The following SLC20A2 variants were observed in gnomAD, a reference collection of about 807,000 sequenced individuals.
The protein encoded by SLC20A2 is solute carrier family 20 member 2.
In SLC20A2, 30 loss-of-function variants were observed where a neutral mutation model predicts 61.0. The observed-to-expected ratio is 0.49, with a 90% CI of 0.37 to 0.67. The LOEUF is 0.67. Among genes scored for constraint, SLC20A2 ranks in the 30% least tolerant of loss-of-function variants. The probability of loss-of-function intolerance (pLI) is 0.00; values close to 1 mark genes in which losing one functional copy is unlikely to be tolerated. For missense variants in SLC20A2, 626 were observed against 866.4 expected (o/e 0.72, Z 3.48); for synonymous variants, 351 against 353.3 (o/e 0.99, Z 0.07).
intron 5 of SLC20A2, among the ~76,000 whole-genome samples, chr8:42,446,163 C>T (rs988666570): frequency 1.3e-5 from 2 of 152,164 alleles, no homozygotes; most frequent in African/African-American, 4.8e-5. Context: ...AATTCTAACT[C>T]TTCTTTGAAG....
chr8:42,463,550 A>C (rs944704995), intron 3 of SLC20A2, among the ~76,000 whole-genome samples: 6 of 152,128 alleles, frequency 3.9e-5, no homozygotes, highest in Admixed American at 2.6e-4. Context: ...GGAACTCTGA[A>C]ACTTTTAGCC....
chr8:42,446,841 G>T, intron 5 of SLC20A2, among the ~76,000 whole-genome samples: 1 of 151,308 alleles, frequency 6.6e-6, no homozygotes, highest in East Asian at 1.9e-4. Flanking sequence ...GGATCTGGGA[G>T]AATTTACTAA....
chr8:42,460,390 C>G (rs941333581), intron 4 of SLC20A2, among the ~76,000 whole-genome samples: 1 of 152,244 alleles, frequency 6.6e-6, no homozygotes, highest in Non-Finnish European at 1.5e-5. Context: ...TTGGCCCTAA[C>G]TGGCTACATT....
chr8:42,433,875 A>C (rs1029882078), intron 8 of SLC20A2, among the ~76,000 whole-genome samples: 3 of 152,158 alleles, frequency 2.0e-5, no homozygotes, highest in Non-Finnish European at 4.4e-5. Flanking sequence ...GTATACCCGG[A>C]AGCAGGAATG....
At chr8:42,445,801 A>C (rs559991764) in intron 5 of SLC20A2, among the ~76,000 whole-genome samples, 23 of 152,292 alleles carry the variant, frequency 1.5e-4, no homozygotes, top group African/African-American at 5.1e-4. Flanking sequence ...ACCTCAGCCC[A>C]GCCCACCTGC....
chr8:42,447,403 T>G (rs141372662), intron 5 of SLC20A2, among the ~76,000 whole-genome samples: 3 of 147,950 alleles, frequency 2.0e-5, no homozygotes, highest in Non-Finnish European at 3.0e-5. Context: ...TTGGGCTGGG[T>G]GCGGTGGCTC....
chr8:42,437,519 G>C lies in SLC20A2; in HGVS notation c.993C>G (p.Phe331Leu). 6.2e-7 allele frequency: 1 copy of C among 1,614,086 alleles called. No homozygotes were observed. The highest frequency in any genetic ancestry group is 8.5e-7 in the Non-Finnish European group (1 of 1,180,014). The change falls in exon 8 of 11, where the codon TTC becomes TTG. Residue 331 changes from phenylalanine (F) to leucine (L), a missense_variant. Phe to Leu is a conservative substitution (Grantham distance 22). This residue lies in a region of SLC20A2 where 361 missense variants were observed against 422.3 expected (regional missense o/e 0.85). Coordinates refer to ENST00000520262, the MANE Select transcript of SLC20A2 (RefSeq NM_001257180.2). The surrounding 1 kb of genome is among the most constrained non-coding windows in gnomAD (Gnocchi z 6.4). ...CGCTCCTGGTGTGGCCGTCGAAGCC[G>C]AAGGTGCCGTTGGAGATGGGCGATT... is the stretch of plus-strand genomic sequence containing the variant. ...SVKSPISNGTFGFDGHTRSDG... is the reference protein window; with the variant it reads ...SVKSPISNGTLGFDGHTRSDG...
At chr8:42,526,071 C>T (rs920421004) in intron 1 of SLC20A2, among the ~76,000 whole-genome samples, 1 of 152,154 alleles carries the variant, frequency 6.6e-6, no homozygotes, top group Non-Finnish European at 1.5e-5. Context: ...GCTGCCTTCC[C>T]AAGAGGGAAG....
chr8:42,535,940 T>C (rs1812668078), intron 1 of SLC20A2, among the ~76,000 whole-genome samples: 1 of 151,974 alleles, frequency 6.6e-6, no homozygotes, highest in Admixed American at 6.5e-5. Flanking sequence ...CTAAAATTCA[T>C]AACATGGGAC....
intron 4 of SLC20A2, among the ~76,000 whole-genome samples, chr8:42,462,611 C>T (rs779242715): frequency 6.0e-5 from 9 of 151,084 alleles, no homozygotes; most frequent in Non-Finnish European, 1.2e-4. Context: ...AAAAAGGGAA[C>T]ACACCTTCAC....
intron 5 of SLC20A2, among the ~76,000 whole-genome samples, chr8:42,456,143 GA>G (rs1168536871): frequency 1.3e-5 from 2 of 150,972 alleles, no homozygotes; most frequent in African/African-American, 2.4e-5. Flanking sequence ...AGAAGAGATG[GA>G]AAAAAAAGGC....
At chr8:42,477,841 GAA>G (rs910585502) in intron 1 of SLC20A2, among the ~76,000 whole-genome samples, 3 of 151,338 alleles carry the variant, frequency 2.0e-5, no homozygotes, top group Non-Finnish European at 2.9e-5. Context: ...AGGGCGCTAA[GAA>G]AAAAACCACT....
chr8:42,521,897 T>C lies in SLC20A2; in HGVS notation c.-265+19924A>G, dbSNP rs1811631362. Among the ~76,000 whole-genome samples, 3 of 121,504 alleles carry C rather than the reference T, an allele frequency of 2.5e-5. 1 individual carries two copies. In the Middle Eastern group the frequency reaches 0.012, roughly 494 times the overall value. The allele number at this position is 121,504 out of a possible 152,430, so 79.7% of individuals were successfully genotyped here. ...TGAGTGCATGTAAAACAGGGAAATCTGGGAATAAGCTCTGTGGGTGACTCA... is the reference window on the plus strand; with the variant it reads ...TGAGTGCATGTAAAACAGGGAAATCCGGGAATAAGCTCTGTGGGTGACTCA... On this transcript the variant is annotated intron_variant, in intron 1 of 10. Transcript: ENST00000342228.
Position 42,428,852 on chromosome 8 carries a change from G to A in SLC20A2, c.1710-10C>T, listed in dbSNP as rs966313673. ...CTCGATCGTGAAGCCGCTGTGGGGG[G>A]AGCATGAGACACGTCACAGGTGCCC... is the stretch of plus-strand genomic sequence containing the variant. On this transcript the variant is annotated splice_polypyrimidine_tract_variant and intron_variant, in intron 9 of 10. Coordinates refer to ENST00000520262, the MANE Select transcript of SLC20A2 (RefSeq NM_001257180.2). 1.5e-5 allele frequency: 23 copies of A among 1,580,372 alleles called. No homozygotes were observed. Among genetic ancestry groups the A allele is most frequent in the Admixed American group, 3.6e-5 (2 of 55,954 alleles).
At chr8:42,446,184 C>A (rs1038636828) in intron 5 of SLC20A2, among the ~76,000 whole-genome samples, 1 of 152,160 alleles carries the variant, frequency 6.6e-6, no homozygotes. Context: ...CATCAACTTA[C>A]GGAATTACAG....
intron 1 of SLC20A2, among the ~76,000 whole-genome samples, chr8:42,495,025 T>A (rs866969602): frequency 3.5e-5 from 5 of 141,500 alleles, no homozygotes; most frequent in Admixed American, 2.1e-4. Flanking sequence ...TTTTTTGTAT[T>A]TTTTTTTTTT....
chr8:42,441,403 C>T (rs1002230238), intron 6 of SLC20A2, among the ~76,000 whole-genome samples: 2 of 151,786 alleles, frequency 1.3e-5, no homozygotes, highest in African/African-American at 2.4e-5. Flanking sequence ...CCGCCCACCT[C>T]GGCCTCCCAA....
chr8:42,487,203 A>AGTT (rs1217776938), intron 1 of SLC20A2, among the ~76,000 whole-genome samples: 1 of 117,410 alleles, frequency 8.5e-6, no homozygotes, highest in East Asian at 2.5e-4. Context: ...TTTGAGACAG[A>AGTT]GTTTCATTCT....
intron 1 of SLC20A2, among the ~76,000 whole-genome samples, chr8:42,475,438 C>G (rs1366030232): frequency 2.0e-5 from 3 of 150,762 alleles, no homozygotes; most frequent in Admixed American, 6.6e-5. Flanking sequence ...GAGACAAAGT[C>G]TCACTCTGTC....
Sources: allele counts gnomAD v4.1 joint callset (sites outside exome capture counted in the v4.1 genomes callset), GRCh38; gene constraint gnomAD v4.1.1; regional missense constraint gnomAD v4.1.1; non-coding constraint Gnocchi (gnomAD v3.1); transcripts MANE v1.5; gene names NCBI Gene and HGNC (gene_info 2026-07-23, HGNC 2026-07-21).